Variants in RBM25 observed in about 807,000 individuals in gnomAD.
RBM25 encodes the protein RNA-binding protein 25.
Under a neutral mutation model 120.7 loss-of-function variants are expected in RBM25, and 19 were observed. The observed-to-expected ratio is 0.16, with a 90% confidence interval of 0.11 to 0.23. The LOEUF (loss-of-function observed/expected upper bound fraction) is 0.23. Ranked by LOEUF, RBM25 falls within the 10% of genes least tolerant of loss-of-function variation. RBM25 has a pLI of 1.00. For missense variants in RBM25, 605 were observed against 1,041.5 expected, an observed-to-expected ratio of 0.58 and a Z score of 5.77; for synonymous variants, 390 against 326.7, an observed-to-expected ratio of 1.19 and a Z score of -2.09.
rs1164394810 is a variant in RBM25, at chr14:73,061,678, C to T, written c.-16+2973C>T. Among the ~76,000 whole-genome samples the T allele has an allele frequency of 1.3e-5, 2 of 150,992 alleles. 1 individual carries two copies. The highest frequency in any genetic ancestry group is 3.0e-5 in the Non-Finnish European group (2 of 67,378). On this transcript the variant is annotated intron_variant, in intron 1 of 18. Transcript: ENST00000261973. The stretch of plus-strand genomic sequence containing the variant: ...GCATTTCAGGCTTAAGCAATCCTCC[C>T]ACCCCAGCCTCCCAAGTAGCTGGGA...
chr14:73,070,978 A>G (rs1594898969), intron 1 of RBM25, among the ~76,000 whole-genome samples: 1 of 149,396 alleles, frequency 6.7e-6, no homozygotes, highest in Admixed American at 6.7e-5. Context: ...ATGGTGGCTC[A>G]CGCCTGTAAT....
chr14:73,095,263 A>G (rs934538008), intron 6 of RBM25, among the ~76,000 whole-genome samples: 1 of 152,068 alleles, frequency 6.6e-6, no homozygotes, highest in Admixed American at 6.6e-5. Context: ...GCGTTTTTCA[A>G]TTTGGATTTT....
intron 18 of RBM25, 58 bp downstream of exon 18, chr14:73,114,391 T>C: frequency 2.2e-6 from 3 of 1,354,348 alleles, no homozygotes; most frequent in Non-Finnish European, 3.0e-6. Flanking sequence ...TTTTGGTTTT[T>C]TTTGTCTTAA....
chr14:73,099,772 T>G (rs781297577), intron 9 of RBM25, 22 bp downstream of exon 9: 1 of 1,585,312 alleles, frequency 6.3e-7, no homozygotes, highest in Non-Finnish European at 8.5e-7. Flanking sequence ...GTCTTTTCAC[T>G]TGATACCAAT....
chr14:73,060,700 A>G (rs931388025), intron 1 of RBM25, among the ~76,000 whole-genome samples: 1 of 151,598 alleles, frequency 6.6e-6, no homozygotes, highest in Non-Finnish European at 1.5e-5. Context: ...TCCACTACCC[A>G]GAATTATTGG....
rs111758537 is a variant in RBM25 at position 73,113,999 on chromosome 14, G to A, written c.2392-287G>A. ...GCCAGTAGTGCTCTTTTGATATTAT[G>A]AACAGTAAATTTACTCTGTCTTCTC... On this transcript the variant is annotated intron_variant, in intron 17 of 18. Coordinates refer to ENST00000261973, the MANE Select transcript of RBM25 (RefSeq NM_021239.3). 9.3e-4 allele frequency among the ~76,000 whole-genome samples: 141 copies of A among 152,202 alleles called. 1 individual carries two copies. The highest frequency in any genetic ancestry group is 1.1e-3 in the African/African-American group (44 of 41,506).
intron 6 of RBM25, among the ~76,000 whole-genome samples, chr14:73,089,766 A>C (rs949568761): frequency 2.0e-5 from 3 of 151,722 alleles, no homozygotes; most frequent in Non-Finnish European, 4.4e-5. Flanking sequence ...TCCCAGGTTC[A>C]AGTGATTCTC....
At chr14:73,069,491 C>G (rs1895223083) in intron 1 of RBM25, among the ~76,000 whole-genome samples, 1 of 151,952 alleles carries the variant, frequency 6.6e-6, no homozygotes, top group Non-Finnish European at 1.5e-5. Flanking sequence ...GTTGTCCAGG[C>G]TGGAGTGCAA....
At chr14:73,098,461 T>TA (rs567355352) in intron 7 of RBM25, among the ~76,000 whole-genome samples, 1 of 152,174 alleles carries the variant, frequency 6.6e-6, no homozygotes, top group Non-Finnish European at 1.5e-5. Context: ...CATTATGTAA[T>TA]AAAAAAGTAC....
At chr14:73,104,334 G>C (rs1311899935) in intron 10 of RBM25, among the ~76,000 whole-genome samples, 1 of 150,842 alleles carries the variant, frequency 6.6e-6, no homozygotes, top group Non-Finnish European at 1.5e-5. Flanking sequence ...CTCTTTGGAA[G>C]GTTTTATTTT....
chr14:73,091,859 C>G (rs1895821335), intron 6 of RBM25, among the ~76,000 whole-genome samples: 1 of 151,756 alleles, frequency 6.6e-6, no homozygotes, highest in African/African-American at 2.4e-5. Flanking sequence ...GCCTGGGTGA[C>G]AGAGTGAGAC....
At chr14:73,098,553 A>G (rs1484714684) in intron 7 of RBM25, among the ~76,000 whole-genome samples, 2 of 152,158 alleles carry the variant, frequency 1.3e-5, no homozygotes, top group East Asian at 3.8e-4. Flanking sequence ...TTTTTAGGCC[A>G]TATTCAGTTT....
intron 1 of RBM25, among the ~76,000 whole-genome samples, chr14:73,065,382 C>T (rs188970612): frequency 1.6e-4 from 24 of 151,978 alleles, no homozygotes; most frequent in African/African-American, 5.3e-4. Flanking sequence ...TCTGCCTCGG[C>T]CTCCCAAAGT....
intron 5 of RBM25, among the ~76,000 whole-genome samples, chr14:73,084,456 G>A (rs1296511796): frequency 6.6e-6 from 1 of 152,192 alleles, no homozygotes; most frequent in African/African-American, 2.4e-5. Context: ...TGCAGCTCCA[G>A]TACTATAATT....
rs764190638 is a variant in RBM25, at chr14:73,120,504, C to T, written c.*699C>T. On this transcript the variant is annotated 3_prime_UTR_variant, in exon 19 of 19. Transcript: ENST00000261973. ...TTCCCAGAGCATGGTGTTCTCGTGT[C>T]GTGAGCAATGTGGTTTGCTAACTGG... 3 of 152,542 alleles carry T rather than the reference C, an allele frequency of 2.0e-5. No individual in the cohort carries two copies. The highest frequency in any genetic ancestry group is 6.5e-5 in the Admixed American group (1 of 15,276). 9.4% of individuals were successfully genotyped at this position (152,542 alleles called of 1,614,324 possible).
At chr14:73,059,990 C>G (rs1464860304) in intron 1 of RBM25, among the ~76,000 whole-genome samples, 2 of 151,798 alleles carry the variant, frequency 1.3e-5, no homozygotes, top group African/African-American at 2.4e-5. Context: ...TAAGGATTTT[C>G]AATGAAATGT....
intron 4 of RBM25, among the ~76,000 whole-genome samples, chr14:73,081,234 G>C (rs938226557): frequency 7.2e-5 from 11 of 151,778 alleles, no homozygotes; most frequent in African/African-American, 2.7e-4. Context: ...CCGCCTCCCG[G>C]GTCAGTGATT....
intron 13 of RBM25, 103 bp from the exon 14 acceptor site, chr14:73,109,239 G>A: frequency 1.6e-6 from 2 of 1,226,430 alleles, no homozygotes; most frequent in Non-Finnish European, 2.3e-6. Flanking sequence ...TAACCTCTTA[G>A]CATGCAGGTT....
At chr14:73,087,764 CAGTT>C (rs1189032496) in intron 5 of RBM25, among the ~76,000 whole-genome samples, 1 of 152,124 alleles carries the variant, frequency 6.6e-6, no homozygotes, top group African/African-American at 2.4e-5. Context: ...TAATGAGTAG[CAGTT>C]TGTCTGATTT....
Sources: allele counts gnomAD v4.1 joint callset (sites outside exome capture counted in the v4.1 genomes callset), GRCh38; gene constraint gnomAD v4.1.1; transcripts MANE v1.5; gene names NCBI Gene and HGNC (gene_info 2026-07-23, HGNC 2026-07-21).